ZNF717: variants seen among roughly 807,000 people sequenced by gnomAD.
ZNF717 encodes the protein krueppel-like factor X17.
In ZNF717, 9 loss-of-function variants were observed where a neutral mutation model predicts 13.8. The observed-to-expected ratio is 0.65, with a 90% CI of 0.39 to 1.14. ZNF717 has a LOEUF of 1.14. ZNF717 is among the 50% of genes most tolerant of loss of function. ZNF717 has a pLI of 0.01. For synonymous variants in ZNF717, 327 were observed against 364.1 expected, an observed-to-expected ratio of 0.90 and a Z score of 1.16; for missense variants, 1,040 against 1,080.7, an observed-to-expected ratio of 0.96 and a Z score of 0.53.
intron 2 of ZNF717, among the ~76,000 whole-genome samples, chr3:75,747,702 A>G (rs1275928800): frequency 1.3e-5 from 2 of 152,124 alleles, no homozygotes; most frequent in African/African-American, 4.8e-5. Context: ...ATTTTTGTAC[A>G]TTGATTTTGT....
intron 2 of ZNF717, among the ~76,000 whole-genome samples, chr3:75,757,364 G>A (rs1359138048): frequency 6.6e-6 from 1 of 152,184 alleles, no homozygotes; most frequent in Non-Finnish European, 1.5e-5. Context: ...AAATCCAAGG[G>A]CCCTGAAGAA....
intron 2 of ZNF717, among the ~76,000 whole-genome samples, chr3:75,758,787 G>A (rs1301228645): frequency 8.5e-5 from 13 of 152,154 alleles, no homozygotes; most frequent in South Asian, 6.2e-4. Context: ...GCCAAGGTGG[G>A]GGGATTGCTT....
At chr3:75,703,281 A>G (rs1196832220) in intron 6 of ZNF717, among the ~76,000 whole-genome samples, 1 of 152,298 alleles carries the variant, frequency 6.6e-6, no homozygotes, top group African/African-American at 2.4e-5. Flanking sequence ...CTGTAATCCC[A>G]GCAATTTGGG....
intron 2 of ZNF717, among the ~76,000 whole-genome samples, chr3:75,775,958 C>A (rs1341213313): frequency 2.0e-5 from 3 of 152,184 alleles, no homozygotes; most frequent in Non-Finnish European, 4.4e-5. Context: ...AAATATTTTG[C>A]CAGATTTGCA....
At position 75,753,550 on chromosome 3, in the gene ZNF717, T is replaced by A. The variant is rs113978547; in HGVS notation, c.58-11814A>T. Among the ~76,000 whole-genome samples the A allele has an allele frequency of 1.7e-3, 253 of 151,106 alleles. 4 individuals carry two copies. The highest frequency in any genetic ancestry group is 5.3e-3 in the African/African-American group (217 of 40,956). On this transcript the variant is annotated intron_variant, in intron 2 of 4. Coordinates refer to ENST00000652011, the MANE Select transcript of ZNF717 (RefSeq NM_001290208.3). The stretch of plus-strand genomic sequence containing the variant: ...ACTGCTGCTGGGTTTTGAATGTGTG[T>A]CCCTCACATAGAATTCCAGAACACT...
chr3:75,754,424 AT>A (rs373076715), intron 2 of ZNF717, among the ~76,000 whole-genome samples: 24,193 of 146,602 alleles, frequency 0.17, 1,917 homozygotes, highest in Non-Finnish European at 0.17. Context: ...TGATTTTGGA[AT>A]TTTTTTTTTA....
intron 2 of ZNF717, among the ~76,000 whole-genome samples, chr3:75,744,927 G>A (rs75860137): frequency 0.034 from 3,106 of 91,638 alleles, no homozygotes; most frequent in Admixed American, 0.048. Flanking sequence ...ATCATGTTCC[G>A]CCCAAGGTGG....
At chr3:75,707,300 C>A (rs1444883976), downstream of ZNF717, among the ~76,000 whole-genome samples, 12 of 152,158 alleles carry the variant, frequency 7.9e-5, no homozygotes, top group African/African-American at 2.9e-4. Context: ...TAAGAGTCCC[C>A]TTACAATACT....
intron 2 of ZNF717, among the ~76,000 whole-genome samples, chr3:75,776,801 C>G (rs928829034): frequency 3.9e-5 from 6 of 152,106 alleles, no homozygotes; most frequent in Non-Finnish European, 7.4e-5. Context: ...CGAGGCTTCT[C>G]TACTATCATG....
rs1188172555 is a variant in ZNF717, at chr3:75,774,621, T to G, written c.57+8685A>C. Reference sequence around the variant, plus strand: ...CTAAAATTCTTGTGGTTTTTTTTTTTTTTTTTTTTTTTTTTCTGAGACAGA... The same window carrying G: ...CTAAAATTCTTGTGGTTTTTTTTTTGTTTTTTTTTTTTTTTCTGAGACAGA... On this transcript the variant is annotated intron_variant, in intron 2 of 4. Transcript: ENST00000652011. Among the ~76,000 whole-genome samples, 717 of 139,162 alleles carry G rather than the reference T, an allele frequency of 5.2e-3. 9 individuals carry two copies. The highest frequency in any genetic ancestry group is 0.019 in the African/African-American group (700 of 36,790). The allele number at this position is 139,162 out of a possible 152,430, so 91.3% of individuals were successfully genotyped here.
At chr3:75,719,637 T>G (rs1938130649) in intron 4 of ZNF717, among the ~76,000 whole-genome samples, 2 of 152,098 alleles carry the variant, frequency 1.3e-5, no homozygotes, top group Non-Finnish European at 2.9e-5. Flanking sequence ...GGAAAAGTAT[T>G]AATGAGGAGT....
At chr3:75,762,539 CA>C (rs1559656837) in intron 2 of ZNF717, among the ~76,000 whole-genome samples, 1 of 150,918 alleles carries the variant, frequency 6.6e-6, no homozygotes, top group Non-Finnish European at 1.5e-5. Flanking sequence ...CCAAAAACTA[CA>C]AAACACTGTC....
At chr3:75,783,730 C>T (rs1247026993) in intron 1 of ZNF717, among the ~76,000 whole-genome samples, 1 of 152,198 alleles carries the variant, frequency 6.6e-6, no homozygotes, top group Non-Finnish European at 1.5e-5. Flanking sequence ...GCTGTATTAA[C>T]TATTTTCCTA....
chr3:75,757,899 G>C (rs1379569147), intron 2 of ZNF717, among the ~76,000 whole-genome samples: 1 of 151,354 alleles, frequency 6.6e-6, no homozygotes, highest in Non-Finnish European at 1.5e-5. Context: ...TGGATCACAA[G>C]GTCAGGAATT....
chr3:75,768,449 C>T (rs1943658892), intron 2 of ZNF717, among the ~76,000 whole-genome samples: 1 of 148,602 alleles, frequency 6.7e-6, no homozygotes, highest in African/African-American at 2.5e-5. Flanking sequence ...CAGGCCACCA[C>T]AACCTCATTC....
intron 4 of ZNF717, among the ~76,000 whole-genome samples, chr3:75,718,603 G>A (rs1938109798): frequency 1.3e-5 from 2 of 152,280 alleles, no homozygotes; most frequent in South Asian, 4.1e-4. Context: ...GGGTTTCCTG[G>A]AAGACAATTT....
downstream of ZNF717, among the ~76,000 whole-genome samples, chr3:75,734,230 G>T (rs1392277395): frequency 6.6e-6 from 1 of 151,732 alleles, no homozygotes; most frequent in African/African-American, 2.4e-5. Context: ...CACCACGCCT[G>T]GCTAATTTTT....
chr3:75,783,584 A>T (rs903414005), intron 1 of ZNF717, among the ~76,000 whole-genome samples: 1 of 152,244 alleles, frequency 6.6e-6, no homozygotes, highest in Non-Finnish European at 1.5e-5. Context: ...TAGACATTAG[A>T]TGCACAATTT....
intron 2 of ZNF717, among the ~76,000 whole-genome samples, chr3:75,753,656 A>G (rs950134587): frequency 6.8e-6 from 1 of 146,172 alleles, no homozygotes; most frequent in African/African-American, 2.6e-5. Context: ...TCCCTCACAT[A>G]GGATTCCAGA....
Sources: allele counts gnomAD v4.1 joint callset (sites outside exome capture counted in the v4.1 genomes callset), GRCh38; gene constraint gnomAD v4.1.1; transcripts MANE v1.5; gene names NCBI Gene and HGNC (gene_info 2026-07-23, HGNC 2026-07-21).